Variants in GRID2 observed in about 807,000 individuals in gnomAD.
The protein encoded by GRID2 is glutamate ionotropic receptor delta type subunit 2, also known as glutamate receptor ionotropic, delta-2.
GRID2 carries 33 observed loss-of-function variants against 114.8 expected under a neutral mutation model. The observed-to-expected ratio is 0.29, with a 90% CI of 0.22 to 0.38. GRID2 has a LOEUF of 0.38. Ranked by LOEUF, GRID2 falls within the 10% of genes least tolerant of loss-of-function variation. The pLI is 1.00. For missense variants in GRID2, 1,184 were observed against 1,257.7 expected (o/e 0.94, Z 0.89); for synonymous variants, 505 against 449.9 (o/e 1.12, Z -1.55).
intron 2 of GRID2, among the ~76,000 whole-genome samples, chr4:93,008,145 A>G (rs924026538): frequency 6.6e-6 from 1 of 152,042 alleles, no homozygotes; most frequent in African/African-American, 2.4e-5. Flanking sequence ...ATGGACTAAG[A>G]GCTTTGTAAA....
chr4:92,787,217 C>A (rs1266493624), intron 2 of GRID2, among the ~76,000 whole-genome samples: 2 of 151,654 alleles, frequency 1.3e-5, no homozygotes, highest in Non-Finnish European at 2.9e-5. Context: ...GACAAAGATC[C>A]CAGACACATC....
At chr4:93,757,016 G>A (rs1732805408) in intron 14 of GRID2, among the ~76,000 whole-genome samples, 1 of 152,132 alleles carries the variant, frequency 6.6e-6, no homozygotes. Context: ...TACTAAATGG[G>A]CAGTTCTCAG....
At chr4:93,466,682 C>T (rs897802028) in intron 11 of GRID2, among the ~76,000 whole-genome samples, 3 of 152,144 alleles carry the variant, frequency 2.0e-5, no homozygotes, top group African/African-American at 7.2e-5. Context: ...GCTGCTTCTG[C>T]CCCGGCCCTG....
At chr4:93,512,904 C>T (rs547442856) in intron 12 of GRID2, among the ~76,000 whole-genome samples, 1 of 152,190 alleles carries the variant, frequency 6.6e-6, no homozygotes, top group South Asian at 2.1e-4. Context: ...GTTTTCTTTT[C>T]ATAGAAGGAT....
intron 9 of GRID2, among the ~76,000 whole-genome samples, chr4:93,414,685 T>A (rs1236399130): frequency 7.1e-6 from 1 of 140,574 alleles, no homozygotes; most frequent in Admixed American, 7.0e-5. Context: ...ATCTGACATT[T>A]TATATATATA....
At chr4:93,721,865 C>A (rs917941531) in intron 14 of GRID2, among the ~76,000 whole-genome samples, 2 of 150,650 alleles carry the variant, frequency 1.3e-5, no homozygotes, top group Non-Finnish European at 3.0e-5. Flanking sequence ...ATTTCTAATT[C>A]TATAGTTGAA....
chr4:93,548,692 T>G (rs1439617101), intron 13 of GRID2, among the ~76,000 whole-genome samples: 1 of 152,192 alleles, frequency 6.6e-6, no homozygotes, highest in East Asian at 1.9e-4. Context: ...ATAGTCATAT[T>G]TTTTTAAGAA....
Position 92,801,936 on chromosome 4 carries a change from A to G in GRID2, c.244+211650A>G, listed in dbSNP as rs147202630. Among the ~76,000 whole-genome samples the G allele has an allele frequency of 3.4e-4, 52 of 151,970 alleles. No individual in the cohort carries two copies. In the East Asian group the frequency reaches 9.5e-3, roughly 28 times the overall value. ...CATAGCCAAGATTCATACCTGGGCAATCCATCTCTGGTGGCCATGACCACA... is the reference window on the plus strand; with the variant it reads ...CATAGCCAAGATTCATACCTGGGCAGTCCATCTCTGGTGGCCATGACCACA... On this transcript the variant is annotated intron_variant, in intron 2 of 15. Transcript: ENST00000282020.
At chr4:92,435,662 A>G (rs1463793734) in intron 1 of GRID2, among the ~76,000 whole-genome samples, 1 of 152,208 alleles carries the variant, frequency 6.6e-6, no homozygotes, top group African/African-American at 2.4e-5. Context: ...CCGAGCTTTC[A>G]TATAAAATGT....
At chr4:93,761,789 C>T (rs774484901) in intron 14 of GRID2, among the ~76,000 whole-genome samples, 3 of 152,084 alleles carry the variant, frequency 2.0e-5, no homozygotes, top group African/African-American at 4.8e-5. Context: ...TAGATGCTAT[C>T]AATAAATATT....
intron 1 of GRID2, among the ~76,000 whole-genome samples, chr4:92,444,210 G>A (rs1049767591): frequency 5.3e-5 from 8 of 152,166 alleles, no homozygotes; most frequent in Non-Finnish European, 1.0e-4. Flanking sequence ...AAATTCATGC[G>A]CGTCTGTGTG....
At chr4:93,768,761 C>T (rs1460029701) in intron 14 of GRID2, among the ~76,000 whole-genome samples, 4 of 152,166 alleles carry the variant, frequency 2.6e-5, no homozygotes, top group African/African-American at 9.7e-5. Context: ...TTGCTCTAAG[C>T]AGCAAAACGT....
intron 14 of GRID2, among the ~76,000 whole-genome samples, chr4:93,757,197 T>C (rs1313805538): frequency 6.6e-6 from 1 of 152,130 alleles, no homozygotes; most frequent in Non-Finnish European, 1.5e-5. Flanking sequence ...GTATCTGCCC[T>C]CAAGGAGGCT....
intron 11 of GRID2, among the ~76,000 whole-genome samples, chr4:93,466,516 T>A (rs1724286168): frequency 6.6e-6 from 1 of 152,168 alleles, no homozygotes; most frequent in Non-Finnish European, 1.5e-5. Context: ...TTTAACTGCA[T>A]GCAGATTAGG....
Position 92,462,161 on chromosome 4 carries a change from G to A in GRID2, c.89-127970G>A, listed in dbSNP as rs1181025221. On this transcript the variant is annotated intron_variant, in intron 1 of 15. Transcript: ENST00000282020. ...GCAAACATGTTTTTGTTTCTTTCTA[G>A]AAAGATCAATAAATAGCATTATACA... is the stretch of plus-strand genomic sequence containing the variant. 2.6e-5 allele frequency among the ~76,000 whole-genome samples: 4 copies of A among 151,988 alleles called. 1 individual carries two copies. The highest frequency in any genetic ancestry group is 1.3e-4 in the Admixed American group (2 of 15,232).
At chr4:93,726,465 C>T (rs905492984) in intron 14 of GRID2, among the ~76,000 whole-genome samples, 4 of 152,180 alleles carry the variant, frequency 2.6e-5, no homozygotes, top group African/African-American at 9.6e-5. Context: ...CTTGGCAATG[C>T]AGGCTCTTTT....
intron 1 of GRID2, among the ~76,000 whole-genome samples, chr4:93,800,897 T>G (rs1012394818): frequency 5.3e-5 from 8 of 152,318 alleles, no homozygotes; most frequent in African/African-American, 1.4e-4. Context: ...GCATAAAATA[T>G]GCTGGAAAAC....
intron 13 of GRID2, among the ~76,000 whole-genome samples, chr4:93,613,363 G>A (rs10433962): frequency 1.9e-3 from 269 of 140,436 alleles, no homozygotes; most frequent in African/African-American, 6.2e-3. Context: ...GAGGAGCTGC[G>A]TTCCTTTGGA....
intron 3 of GRID2, among the ~76,000 whole-genome samples, chr4:93,098,225 G>T (rs1447752330): frequency 6.6e-6 from 1 of 151,832 alleles, no homozygotes; most frequent in Non-Finnish European, 1.5e-5. Context: ...TACCTTCATT[G>T]TGTTAATGAT....
Sources: gnomAD v4.1 joint callset for allele counts (sites outside exome capture counted in the v4.1 genomes callset) on GRCh38, gnomAD v4.1.1 for gene constraint, MANE v1.5 for transcripts, NCBI Gene and HGNC (gene_info 2026-07-23, HGNC 2026-07-21) for gene names.